TEX11: variants seen among roughly 807,000 people sequenced by gnomAD.
TEX11 encodes testis expressed 11.
In TEX11, 7 loss-of-function variants were observed where a neutral mutation model predicts 84.4. That is an observed-to-expected ratio of 0.08 (90% CI 0.05 to 0.16). The LOEUF is 0.16. Among genes scored for constraint, TEX11 ranks in the 10% least tolerant of loss-of-function variants. The pLI, the probability that TEX11 is intolerant of heterozygous loss-of-function variation, is 1.00. For missense variants in TEX11, 551 were observed against 660.5 expected (o/e 0.83, Z 1.82); for synonymous variants, 264 against 222.8 (o/e 1.18, Z -1.64).
rs188121381 is a variant in TEX11, at chrX:70,776,436, G to A, written c.692+30269C>T. Among the ~76,000 whole-genome samples, 846 of 109,470 alleles carry A rather than the reference G, an allele frequency of 7.7e-3. 7 individuals are homozygous for A. The highest frequency in any genetic ancestry group is 0.026 in the African/African-American group (785 of 30,128). On this transcript the variant is annotated intron_variant, in intron 9 of 29. Coordinates refer to ENST00000374333, the MANE Select transcript of TEX11 (RefSeq NM_031276.3). The stretch of plus-strand genomic sequence containing the variant: ...AATTTAGCCAGGCGTGGTGGTGCAC[G>A]CCTGTGGTCCCAGCTACTCGGGAGG...
intron 11 of TEX11, among the ~76,000 whole-genome samples, chrX:70,739,413 CTTTT>C (rs35219972): frequency 5.3e-5 from 4 of 75,128 alleles, no homozygotes; most frequent in Admixed American, 1.5e-4. Flanking sequence ...TATTTCATTT[CTTTT>C]TTTTTTTTTT....
chrX:70,644,567 A>G (rs2089714562), intron 17 of TEX11, among the ~76,000 whole-genome samples: 1 of 106,108 alleles, frequency 9.4e-6, no homozygotes, highest in East Asian at 3.1e-4. Flanking sequence ...TGTGGCACAT[A>G]TACACCATGG....
intron 13 of TEX11, among the ~76,000 whole-genome samples, chrX:70,710,104 A>C (rs1229668069): frequency 3.7e-5 from 4 of 109,405 alleles, no homozygotes; most frequent in Non-Finnish European, 7.6e-5. Flanking sequence ...GTAACTGATT[A>C]AGCTTACCTA....
At chrX:70,770,587 A>C (rs1237256960) in intron 9 of TEX11, among the ~76,000 whole-genome samples, 1 of 111,440 alleles carries the variant, frequency 9.0e-6, no homozygotes, top group Non-Finnish European at 1.9e-5. Context: ...AATAAAAGAA[A>C]AAAAAGACAA....
intron 14 of TEX11, among the ~76,000 whole-genome samples, chrX:70,681,545 C>T (rs1484849052): frequency 3.6e-5 from 4 of 112,056 alleles, no homozygotes; most frequent in Admixed American, 2.8e-4. Context: ...CACTTGAGGT[C>T]AACATTAACA....
chrX:70,813,073 A>G lies in TEX11; in HGVS notation c.607-6283T>C, dbSNP rs893760812. Among the ~76,000 whole-genome samples the G allele has an allele frequency of 3.6e-5, 4 of 111,790 alleles. No homozygotes were observed. In the East Asian group the frequency reaches 1.1e-3, roughly 32 times the overall value. ...AACCATTTCAATCAATAGAAAAAGA[A>G]GGAATCCTCCCTAACTCATTTCATG... On this transcript the variant is annotated intron_variant, in intron 8 of 29. Transcript: ENST00000374333.
At chrX:70,883,837 C>T in intron 2 of TEX11, among the ~76,000 whole-genome samples, 1 of 111,360 alleles carries the variant, frequency 9.0e-6, no homozygotes, top group African/African-American at 3.3e-5. Flanking sequence ...ATTCTAGGTA[C>T]CGTATAATAG....
At chrX:70,626,351 G>A (rs1459068287) in intron 18 of TEX11, among the ~76,000 whole-genome samples, 5 of 109,612 alleles carry the variant, frequency 4.6e-5, no homozygotes, top group Non-Finnish European at 9.5e-5. Context: ...TTGTGCCCTA[G>A]GTGTCTCCCT....
At chrX:70,542,743 G>C (rs1372269657) in intron 28 of TEX11, among the ~76,000 whole-genome samples, 1 of 112,016 alleles carries the variant, frequency 8.9e-6, no homozygotes, top group Non-Finnish European at 1.9e-5. Flanking sequence ...AGTGAATAAT[G>C]AATGAGTGAC....
At chrX:70,566,257 A>G (rs1457151936) in intron 25 of TEX11, among the ~76,000 whole-genome samples, 1 of 100,300 alleles carries the variant, frequency 1.0e-5, no homozygotes, top group Non-Finnish European at 2.0e-5. Context: ...TTGATTTTGT[A>G]TCCTGAGACT....
At chrX:70,867,094 C>A (rs1203120755) in intron 4 of TEX11, among the ~76,000 whole-genome samples, 1 of 111,774 alleles carries the variant, frequency 8.9e-6, no homozygotes, top group Non-Finnish European at 1.9e-5. Context: ...TCTGTGTTTG[C>A]AGATGACATA....
intron 11 of TEX11, 142 bp downstream of exon 11, chrX:70,740,559 A>G: frequency 2.9e-6 from 1 of 349,241 alleles, no homozygotes; most frequent in Non-Finnish European, 4.9e-6. Flanking sequence ...GCAATATTTT[A>G]TTTTTCCTTT....
chrX:70,711,796 A>T (rs1450116512), intron 13 of TEX11, among the ~76,000 whole-genome samples: 1 of 111,537 alleles, frequency 9.0e-6, no homozygotes, highest in Non-Finnish European at 1.9e-5. Flanking sequence ...TAGTTTAATT[A>T]GATCCCATTT....
chrX:70,730,293 C>T (rs780489659), intron 11 of TEX11, among the ~76,000 whole-genome samples: 3 of 111,848 alleles, frequency 2.7e-5, no homozygotes, highest in South Asian at 3.8e-4. Context: ...ATCAAATTCA[C>T]GCATAACAAC....
chrX:70,888,139 G>T (rs1339560780), intron 2 of TEX11, among the ~76,000 whole-genome samples: 1 of 112,431 alleles, frequency 8.9e-6, no homozygotes, highest in African/African-American at 3.2e-5. Flanking sequence ...TTGCAATAAA[G>T]ACCTAACTCT....
chrX:70,547,511 C>T (rs1352609074), intron 28 of TEX11, among the ~76,000 whole-genome samples: 3 of 111,089 alleles, frequency 2.7e-5, no homozygotes, highest in Admixed American at 9.6e-5. Context: ...ATTTTTGCAA[C>T]CTACTCATCT....
chrX:70,823,179 T>C (rs1331681351), intron 8 of TEX11, among the ~76,000 whole-genome samples: 2 of 111,757 alleles, frequency 1.8e-5, no homozygotes, highest in Non-Finnish European at 3.8e-5. Context: ...ATCTCACTTA[T>C]ATGTAAAATG....
chrX:70,811,804 G>A (rs1313571934), intron 8 of TEX11, among the ~76,000 whole-genome samples: 3 of 111,423 alleles, frequency 2.7e-5, no homozygotes, highest in Non-Finnish European at 5.7e-5. Context: ...TCATGTGTCT[G>A]TTGGCTGCAT....
chrX:70,696,481 A>G (rs2090281712), intron 13 of TEX11, among the ~76,000 whole-genome samples: 1 of 112,219 alleles, frequency 8.9e-6, no homozygotes, highest in Admixed American at 9.5e-5. Flanking sequence ...GATTTAAAAC[A>G]AAACTCACCA....
Sources: gnomAD v4.1 joint callset for allele counts (sites outside exome capture counted in the v4.1 genomes callset) on GRCh38, gnomAD v4.1.1 for gene constraint, MANE v1.5 for transcripts, NCBI Gene and HGNC (gene_info 2026-07-23, HGNC 2026-07-21) for gene names.